The following GRIP2 variants were observed in gnomAD, a reference collection of about 807,000 sequenced individuals.
GRIP2 encodes glutamate receptor interacting protein 2.
In GRIP2, 58 loss-of-function variants were observed where a neutral mutation model predicts 108.3. The observed-to-expected ratio is 0.54, with a 90% CI of 0.43 to 0.67. The LOEUF is 0.67. Among genes scored for constraint, GRIP2 ranks in the 30% least tolerant of loss-of-function variants. The probability of loss-of-function intolerance (pLI) is 0.00; values close to 1 mark genes in which losing one functional copy is unlikely to be tolerated. For synonymous variants in GRIP2, 586 were observed against 598.2 expected (o/e 0.98, Z 0.30); for missense variants, 1,278 against 1,430.6 (o/e 0.89, Z 1.72).
upstream of GRIP2, among the ~76,000 whole-genome samples, chr3:14,542,810 C>A (rs1461544299): frequency 1.3e-5 from 2 of 152,174 alleles, no homozygotes; most frequent in African/African-American, 4.8e-5. Context: ...CATTTTGGAA[C>A]AAGACAGAAT....
At position 14,512,747 on chromosome 3, in the gene GRIP2, A is replaced by C; in HGVS notation, c.1720+30T>G. 1.9e-6 allele frequency: 3 copies of C among 1,602,370 alleles called. No homozygotes were observed. The highest frequency in any genetic ancestry group is 2.2e-5 in the East Asian group (1 of 44,768). On this transcript the variant is annotated intron_variant, in intron 14 of 23. Coordinates refer to ENST00000621039, the MANE Select transcript of GRIP2 (RefSeq NM_001080423.4). This position sits in a 1 kb window ranked among gnomAD's most constrained non-coding sequence, Gnocchi z 5.1. ...TTCCCCAGCAGTTGAGCTCGCTCCC[A>C]GGGGCAAACAGCAGCGGGAGGAGAC... is the stretch of plus-strand genomic sequence containing the variant.
At chr3:14,595,342 G>GT in the GRIP2 span, among the ~76,000 whole-genome samples, 4 of 152,086 alleles carry the variant, frequency 2.6e-5, no homozygotes, top group Non-Finnish European at 4.4e-5. Context: ...TATTGTCATT[G>GT]TTTTTTACCT....
At chr3:14,599,712 TTTG>T in the GRIP2 span, among the ~76,000 whole-genome samples, 1 of 148,356 alleles carries the variant, frequency 6.7e-6, no homozygotes, top group African/African-American at 2.6e-5. Context: ...TGTGTGTGTG[TTTG>T]TGTGTGTGTG....
the GRIP2 span, among the ~76,000 whole-genome samples, chr3:14,576,768 C>T: frequency 1.3e-5 from 2 of 152,238 alleles, no homozygotes; most frequent in Admixed American, 1.3e-4. Context: ...TTTGACCCCA[C>T]TGCTAGACAG....
At chr3:14,518,108 G>A (rs1694307080) in intron 9 of GRIP2, among the ~76,000 whole-genome samples, 1 of 152,234 alleles carries the variant, frequency 6.6e-6, no homozygotes, top group Non-Finnish European at 1.5e-5. Flanking sequence ...TGAGAGGCAG[G>A]GACAGGAGAG....
At chr3:14,571,749 G>A in the GRIP2 span, among the ~76,000 whole-genome samples, 1 of 152,240 alleles carries the variant, frequency 6.6e-6, no homozygotes, top group East Asian at 1.9e-4. Flanking sequence ...CTCATTCGGG[G>A]GACTCTGACT....
At chr3:14,504,019 A>G (rs1005262861) in intron 20 of GRIP2, 1 of 294,200 alleles carries the variant, frequency 3.4e-6, no homozygotes, top group Admixed American at 4.9e-5. Flanking sequence ...GTAGTCCCAG[A>G]GGACGGCCCC....
the GRIP2 span, among the ~76,000 whole-genome samples, chr3:14,578,884 C>G: frequency 2.0e-5 from 3 of 148,662 alleles, no homozygotes; most frequent in South Asian, 4.3e-4. Context: ...CCCTCAATTT[C>G]CTCTCCAATA....
chr3:14,507,626 T>G lies in GRIP2; in HGVS notation c.2153A>C (p.Glu718Ala). Residue 718 changes from glutamate (E) to alanine (A), a missense_variant, in exon 18 of 24, where the codon GAG (glutamate) becomes GCG (alanine). Glu to Ala is a moderately radical substitution (Grantham distance 107). Coordinates refer to ENST00000621039, the MANE Select transcript of GRIP2 (RefSeq NM_001080423.4). The surrounding 1 kb of genome is among the most constrained non-coding windows in gnomAD (Gnocchi z 4.6). ...NVSLKGRPLS[E>A]AIHLLQVAGE... Reference sequence around the variant, plus strand: ...AGCCACCTGCAGGAGGTGGATGGCCTCGCTCAGCGGCCGGCCCTTGAGGCT... The same window carrying G: ...AGCCACCTGCAGGAGGTGGATGGCCGCGCTCAGCGGCCGGCCCTTGAGGCT... 6.2e-7 allele frequency: 1 copy of G among 1,614,026 alleles called. No individual in the cohort carries two copies.
the GRIP2 span, chr3:14,602,246 G>C: frequency 1.3e-5 from 2 of 152,094 alleles, no homozygotes; most frequent in Non-Finnish European, 2.9e-5. The surrounding 1 kb of genome is among the most constrained non-coding windows in gnomAD (Gnocchi z 4.7). Context: ...CCCCCTCGCG[G>C]TCAGACAACA....
upstream of GRIP2, among the ~76,000 whole-genome samples, chr3:14,544,712 C>T (rs150134945): frequency 8.5e-5 from 13 of 152,340 alleles, no homozygotes; most frequent in East Asian, 1.9e-3. Context: ...CGGGCCAGGA[C>T]AATTGCTCCC....
At chr3:14,571,177 C>T in the GRIP2 span, among the ~76,000 whole-genome samples, 6,252 of 152,188 alleles carry the variant, frequency 0.041, 461 homozygotes, top group African/African-American at 0.14. Context: ...TGTGAGAGAA[C>T]GTGTCTAGGA....
chr3:14,496,160 T>C (rs1693594096), intron 22 of GRIP2, among the ~76,000 whole-genome samples: 1 of 151,862 alleles, frequency 6.6e-6, no homozygotes, highest in South Asian at 2.1e-4. Context: ...AATAAATACA[T>C]AGATAAAATA....
chr3:14,592,357 C>T, the GRIP2 span, among the ~76,000 whole-genome samples: 2 of 152,184 alleles, frequency 1.3e-5, no homozygotes, highest in Non-Finnish European at 2.9e-5. Flanking sequence ...TAAAGAGCCC[C>T]GAGGCCGAGT....
the GRIP2 span, among the ~76,000 whole-genome samples, chr3:14,601,629 C>A: frequency 1.4e-3 from 217 of 152,312 alleles, 3 homozygotes; most frequent in Admixed American, 0.011. Flanking sequence ...TAAGCAAGAC[C>A]CTCCACGGGC....
chr3:14,572,108 C>A, the GRIP2 span, among the ~76,000 whole-genome samples: 1 of 152,150 alleles, frequency 6.6e-6, no homozygotes, highest in Admixed American at 6.5e-5. Flanking sequence ...ATATACTCAA[C>A]AGAAATGTGT....
Position 14,540,244 on chromosome 3 carries a change from T to G in GRIP2, c.40+25A>C. On this transcript the variant is annotated intron_variant, in intron 1 of 23. Transcript: ENST00000621039. The surrounding 1 kb of genome is among the most constrained non-coding windows in gnomAD (Gnocchi z 4.1). ...ATCTATGTGTTCAGCCCCATCACTC[T>G]GCCCACAGACCCCCCATTACGTACC... The G allele has an allele frequency of 6.2e-7, 1 of 1,612,378 alleles. No individual in the cohort carries two copies. The highest frequency in any genetic ancestry group is 1.1e-5 in the South Asian group (1 of 90,848).
In GRIP2 at chr3:14,505,348, C is replaced by A. The variant is rs570656099; in HGVS notation, c.2573+267G>T. ...TCTGAGTCTGCTGCTCTTCTGAGAACAGGAGATGACCAAAGTTGGGAAGGG... is the reference window on the plus strand; with the variant it reads ...TCTGAGTCTGCTGCTCTTCTGAGAAAAGGAGATGACCAAAGTTGGGAAGGG... On this transcript the variant is annotated intron_variant, in intron 20 of 23. Coordinates refer to ENST00000621039, the MANE Select transcript of GRIP2 (RefSeq NM_001080423.4). The surrounding 1 kb of genome is among the most constrained non-coding windows in gnomAD (Gnocchi z 4.2). 6.6e-6 allele frequency among the ~76,000 whole-genome samples: 1 copy of A among 152,142 alleles called. No homozygotes were observed. The highest frequency in any genetic ancestry group is 1.5e-5 in the Non-Finnish European group (1 of 68,018).
At position 14,514,462 on chromosome 3, in the gene GRIP2, G is replaced by C; in HGVS notation, c.1323C>G (p.Ser441Arg). The C allele has an allele frequency of 6.3e-7, 1 of 1,575,194 alleles. No homozygotes were observed. The highest frequency in any genetic ancestry group is 8.6e-7 in the Non-Finnish European group (1 of 1,161,746). The change falls in exon 12 of 24, where the codon AGC becomes AGG. Residue 441 changes from serine to arginine, a missense_variant. Coordinates refer to ENST00000621039, the MANE Select transcript of GRIP2 (RefSeq NM_001080423.4). ...CAATCTGCCCGCCCGGCCCCACCGTGCTGGAGGCTAGCGACACTGTAGGAC... is the reference window on the plus strand; with the variant it reads ...CAATCTGCCCGCCCGGCCCCACCGTCCTGGAGGCTAGCGACACTGTAGGAC... Reference protein sequence around the residue: ...EHKSSLSLASSTVGPGGQIVH... With the variant: ...EHKSSLSLASRTVGPGGQIVH...
Sources: gnomAD v4.1 joint callset for allele counts (sites outside exome capture counted in the v4.1 genomes callset) on GRCh38, gnomAD v4.1.1 for gene constraint, Gnocchi (gnomAD v3.1) non-coding constraint, MANE v1.5 for transcripts, NCBI Gene and HGNC (gene_info 2026-07-23, HGNC 2026-07-21) for gene names.